Variants in PPM1L observed in about 807,000 individuals in gnomAD.
PPM1L encodes the protein protein phosphatase 1L.
In PPM1L, 13 loss-of-function variants were observed where a neutral mutation model predicts 31.4. The ratio of observed to expected loss-of-function variants is 0.41; its 90% CI spans 0.27 to 0.66. The LOEUF (loss-of-function observed/expected upper bound fraction) is 0.66, where lower values mean the gene tolerates loss of function less well. Among genes scored for constraint, PPM1L ranks in the 30% least tolerant of loss-of-function variants. The pLI is 0.29. For missense variants in PPM1L, 326 were observed against 453.7 expected, an observed-to-expected ratio of 0.72 and a Z score of 2.56; for synonymous variants, 184 against 175.4, an observed-to-expected ratio of 1.05 and a Z score of -0.39.
chr3:160,808,647 G>A (rs1470864737), intron 1 of PPM1L, among the ~76,000 whole-genome samples: 1 of 152,122 alleles, frequency 6.6e-6, no homozygotes, highest in Non-Finnish European at 1.5e-5. Context: ...GCTCTGCCCA[G>A]CCTGGCTGTC....
rs1719821166 is a variant in PPM1L, at chr3:161,068,798, C to T, written c.737-13C>T. On this transcript the variant is annotated splice_polypyrimidine_tract_variant and intron_variant, in intron 3 of 3. Coordinates refer to ENST00000498165, the MANE Select transcript of PPM1L (RefSeq NM_139245.4). Reference sequence around the variant, plus strand: ...CAGCTGGTCAAACTAATGGGCTCATCCTGTCTTTCTAGGTGGTTTCATCAG... The same window carrying T: ...CAGCTGGTCAAACTAATGGGCTCATTCTGTCTTTCTAGGTGGTTTCATCAG... 6.3e-7 allele frequency: 1 copy of T among 1,596,452 alleles called. No individual in the cohort carries two copies. The highest frequency in any genetic ancestry group is 8.5e-7 in the Non-Finnish European group (1 of 1,170,918).
intron 2 of PPM1L, among the ~76,000 whole-genome samples, chr3:161,022,635 ATAAC>A (rs1718264745): frequency 6.7e-6 from 1 of 149,394 alleles, no homozygotes; most frequent in South Asian, 2.1e-4. Flanking sequence ...TTTTATCTGA[ATAAC>A]TTACTTAATT....
intron 1 of PPM1L, among the ~76,000 whole-genome samples, chr3:160,834,471 A>ATGTGTGTGTGTGTGTG (rs150328470): frequency 3.6e-5 from 5 of 138,966 alleles, no homozygotes; most frequent in South Asian, 4.8e-4. Flanking sequence ...GTGTATGTGT[A>ATGTGTGTGTGTGTGTG]TGTGTGTGTG....
chr3:160,771,579 C>T (rs1316852331), intron 1 of PPM1L, among the ~76,000 whole-genome samples: 2 of 108,104 alleles, frequency 1.9e-5, no homozygotes, highest in African/African-American at 3.8e-5. Flanking sequence ...TTAAAAAGAG[C>T]ATATTAAATA....
chr3:160,985,116 G>A (rs1716922775), intron 2 of PPM1L, among the ~76,000 whole-genome samples: 1 of 152,156 alleles, frequency 6.6e-6, no homozygotes, highest in Non-Finnish European at 1.5e-5. Context: ...GCATTCAGAT[G>A]AATTACACTA....
rs1169661728 is a variant in PPM1L at position 160,961,782 on chromosome 3, A to G, written c.446A>G (p.Gln149Arg). The G allele has an allele frequency of 1.2e-6, 2 of 1,603,114 alleles. No individual in the cohort carries two copies. Among genetic ancestry groups the G allele is most frequent in the Admixed American group, 1.7e-5 (1 of 58,094 alleles). Residue 149 changes from glutamine (Q) to arginine (R), a missense_variant, in exon 2 of 4, where the codon CAG becomes CGG. Gln to Arg is a conservative substitution (Grantham distance 43, BLOSUM62 1). Coordinates refer to ENST00000498165, the MANE Select transcript of PPM1L (RefSeq NM_139245.4). ...VKSRLPEALK[Q>R]HLQDYEKDKE... is the part of the protein sequence containing the mutation. ...TCTCGACTCCCAGAGGCCCTTAAAC[A>G]GCATCTTCAGGACTACGAGAAAGAC... is the stretch of plus-strand genomic sequence containing the variant.
At chr3:160,766,247 TC>T (rs5853900) in intron 1 of PPM1L, among the ~76,000 whole-genome samples, 64,037 of 151,984 alleles carry the variant, frequency 0.42, 14,261 homozygotes, top group East Asian at 0.6. Flanking sequence ...AAAGTTGAAG[TC>T]TATGCTATGA....
At chr3:160,944,367 C>G (rs940303959) in intron 1 of PPM1L, among the ~76,000 whole-genome samples, 2 of 151,766 alleles carry the variant, frequency 1.3e-5, no homozygotes, top group African/African-American at 4.8e-5. Context: ...GCCAATTGCT[C>G]ATTGTTTTTA....
chr3:161,063,555 T>C (rs760645595), intron 2 of PPM1L, among the ~76,000 whole-genome samples: 1 of 152,228 alleles, frequency 6.6e-6, no homozygotes, highest in Non-Finnish European at 1.5e-5. Context: ...TGTTGTTGTT[T>C]TTTTTTCTGT....
At chr3:160,830,457 A>G (rs1713492382) in intron 1 of PPM1L, among the ~76,000 whole-genome samples, 1 of 152,164 alleles carries the variant, frequency 6.6e-6, no homozygotes, top group Non-Finnish European at 1.5e-5. Flanking sequence ...AAGGGAAGCC[A>G]TTTGTAAACC....
intron 1 of PPM1L, among the ~76,000 whole-genome samples, chr3:160,847,112 T>G (rs1253310946): frequency 6.6e-6 from 1 of 152,182 alleles, no homozygotes; most frequent in East Asian, 1.9e-4. Flanking sequence ...TTATTTCTCC[T>G]AAGAACTTGC....
At chr3:160,780,653 C>T (rs577359227) in intron 1 of PPM1L, among the ~76,000 whole-genome samples, 10 of 152,214 alleles carry the variant, frequency 6.6e-5, no homozygotes, top group African/African-American at 1.9e-4. Context: ...TGATTCCTTT[C>T]GAACTCTATA....
chr3:161,042,806 G>GT (rs1162421578), intron 2 of PPM1L, among the ~76,000 whole-genome samples: 1 of 152,030 alleles, frequency 6.6e-6, no homozygotes, highest in Admixed American at 6.6e-5. Flanking sequence ...GAATCACGAG[G>GT]TCAGGAGTTC....
intron 1 of PPM1L, among the ~76,000 whole-genome samples, chr3:160,776,275 TC>T (rs1711556684): frequency 6.6e-6 from 1 of 152,144 alleles, no homozygotes; most frequent in Admixed American, 6.6e-5. Flanking sequence ...AACAGCTACT[TC>T]TTAACTCCTT....
intron 1 of PPM1L, among the ~76,000 whole-genome samples, chr3:160,868,747 G>A (rs186977336): frequency 9.3e-5 from 14 of 151,250 alleles, no homozygotes; most frequent in South Asian, 6.3e-4. Context: ...TGTAGAAAGC[G>A]ATCTGTATTT....
intron 1 of PPM1L, among the ~76,000 whole-genome samples, chr3:160,805,682 G>A (rs1249013271): frequency 3.9e-5 from 6 of 152,030 alleles, no homozygotes; most frequent in African/African-American, 9.7e-5. Flanking sequence ...AGATCATGCC[G>A]TTGCACTCCA....
At chr3:160,891,680 A>G (rs560751025) in intron 1 of PPM1L, among the ~76,000 whole-genome samples, 6 of 152,216 alleles carry the variant, frequency 3.9e-5, no homozygotes, top group Non-Finnish European at 5.9e-5. Context: ...TCATTCTACT[A>G]TAAAGACACA....
chr3:160,835,039 A>ACTACTACTTCTT (rs760363593), intron 1 of PPM1L, among the ~76,000 whole-genome samples: 2 of 131,754 alleles, frequency 1.5e-5, no homozygotes, highest in South Asian at 2.5e-4. Flanking sequence ...TACTACTACT[A>ACTACTACTTCTT]CTTCTTCTTC....
rs912775485 is a variant in PPM1L, at chr3:160,809,160, C to T, written c.399+52453C>T. Among the ~76,000 whole-genome samples, 6 of 152,302 alleles carry T rather than the reference C, an allele frequency of 3.9e-5. No individual in the cohort carries two copies. The South Asian group carries it at 1.0e-3, about 26-fold the overall frequency. On this transcript the variant is annotated intron_variant, in intron 1 of 3. Coordinates refer to ENST00000498165, the MANE Select transcript of PPM1L (RefSeq NM_139245.4). ...ATGTAAAGTTCTGATCTAATTCTGG[C>T]AAAATATATTTTTTTTTCTTGAATT... is the stretch of plus-strand genomic sequence containing the variant.
Sources: gnomAD v4.1 joint callset for allele counts (sites outside exome capture counted in the v4.1 genomes callset) on GRCh38, gnomAD v4.1.1 for gene constraint, MANE v1.5 for transcripts, NCBI Gene and HGNC (gene_info 2026-07-23, HGNC 2026-07-21) for gene names.